Variants in AKAP12 observed in about 807,000 individuals in gnomAD.
AKAP12 encodes the protein A-kinase anchoring protein 12, also known as A-kinase anchor protein 12.
Under a neutral mutation model 79.9 loss-of-function variants are expected in AKAP12, and 32 were observed. That is an observed-to-expected ratio of 0.40 (90% CI 0.30 to 0.54). The LOEUF is 0.54. Among genes scored for constraint, AKAP12 ranks in the 20% least tolerant of loss-of-function variants. The pLI is 0.48. For synonymous variants in AKAP12, 808 were observed against 857.0 expected (o/e 0.94, Z 1.00); for missense variants, 2,074 against 2,177.0 (o/e 0.95, Z 0.94).
intron 3 of AKAP12, among the ~76,000 whole-genome samples, chr6:151,342,960 A>G (rs1011761248): frequency 1.3e-5 from 2 of 152,104 alleles, no homozygotes; most frequent in South Asian, 2.1e-4. Context: ...ATGGGGTTTC[A>G]CCACTTTGGC....
At chr6:151,264,102 A>G (rs1207163113) in intron 2 of AKAP12, among the ~76,000 whole-genome samples, 2 of 152,148 alleles carry the variant, frequency 1.3e-5, no homozygotes, top group East Asian at 3.9e-4. Context: ...AGCTAATGGT[A>G]TGCAGAAGGG....
chr6:151,288,284 G>A (rs1322660537), intron 2 of AKAP12, among the ~76,000 whole-genome samples: 1 of 152,060 alleles, frequency 6.6e-6, no homozygotes, highest in Non-Finnish European at 1.5e-5. Flanking sequence ...GAAAGCCGAG[G>A]TGGGTGGATC....
intron 2 of AKAP12, among the ~76,000 whole-genome samples, chr6:151,262,603 T>C (rs1195113224): frequency 8.9e-6 from 1 of 112,216 alleles, no homozygotes; most frequent in African/African-American, 3.6e-5. Flanking sequence ...GTTCAAACAC[T>C]TGAAGTTCAA....
intron 3 of AKAP12, among the ~76,000 whole-genome samples, chr6:151,342,676 C>CATTT (rs1330896218): frequency 6.6e-6 from 1 of 152,186 alleles, no homozygotes; most frequent in Non-Finnish European, 1.5e-5. Context: ...TTTCTATATA[C>CATTT]ATTTTATTAT....
intron 2 of AKAP12, among the ~76,000 whole-genome samples, chr6:151,283,483 C>G (rs980734314): frequency 1.3e-5 from 2 of 152,198 alleles, no homozygotes; most frequent in African/African-American, 4.8e-5. Context: ...GACAGGGTAA[C>G]AAAAGCAGTG....
At chr6:151,266,481 A>G (rs1776026556) in intron 2 of AKAP12, among the ~76,000 whole-genome samples, 1 of 152,212 alleles carries the variant, frequency 6.6e-6, no homozygotes, top group Admixed American at 6.5e-5. Flanking sequence ...CAGAGGAGGG[A>G]GGAGTCTAGG....
chr6:151,282,359 C>T (rs921845479), intron 2 of AKAP12, among the ~76,000 whole-genome samples: 4 of 152,240 alleles, frequency 2.6e-5, no homozygotes, highest in East Asian at 1.9e-4. Flanking sequence ...ATCCACCCAC[C>T]TCGGCCTCCC....
In AKAP12 at chr6:151,351,712, A is replaced by G; in HGVS notation, c.3321A>G (p.Thr1107=). 6 of 1,614,200 alleles carry G rather than the reference A, an allele frequency of 3.7e-6. No individual in the cohort carries two copies. Among genetic ancestry groups the G allele is most frequent in the Non-Finnish European group, 5.1e-6 (6 of 1,180,034 alleles). The part of the protein sequence containing the change: ...DAQEAKTEPF[T]QGKVVGQTTP... Reference sequence around the variant, plus strand: ...AGGAGGCAAAAACTGAGCCTTTTACACAAGGGAAGGTGGTGGGGCAGACCA... The same window carrying G: ...AGGAGGCAAAAACTGAGCCTTTTACGCAAGGGAAGGTGGTGGGGCAGACCA... Residue 1107 remains threonine, a synonymous_variant, in exon 4 of 5, where the codon ACA becomes ACG. Coordinates refer to ENST00000402676, the MANE Select transcript of AKAP12 (RefSeq NM_005100.4). The surrounding 1 kb of genome is among the most constrained non-coding windows in gnomAD (Gnocchi z 4.4).
At position 151,351,528 on chromosome 6, in the gene AKAP12, T is replaced by C. The variant is rs1167391994; in HGVS notation, c.3137T>C (p.Val1046Ala). ...CGGACTCAAGAGGTCCTCCAGGCAG[T>C]GGCAGAAAAAGTGAAAGAGGAATCC... Reference protein sequence around the residue: ...ERRTQEVLQAVAEKVKEESQL... With the variant: ...ERRTQEVLQAAAEKVKEESQL... The change falls in exon 4 of 5, where the codon GTG becomes GCG. Residue 1046 changes from valine to alanine, a missense_variant. Coordinates refer to ENST00000402676, the MANE Select transcript of AKAP12 (RefSeq NM_005100.4). The surrounding 1 kb of genome is among the most constrained non-coding windows in gnomAD (Gnocchi z 4.4). The C allele has an allele frequency of 1.2e-6, 2 of 1,613,932 alleles. No individual in the cohort carries two copies. The highest frequency in any genetic ancestry group is 2.7e-5 in the African/African-American group (2 of 74,906).
chr6:151,240,588 A>G lies in AKAP12; in HGVS notation c.26A>G (p.Gln9Arg). Residue 9 changes from glutamine to arginine, a missense_variant, in exon 2 of 5, where the codon CAG becomes CGG. Physicochemically the swap from Gln to Arg is conservative, Grantham distance 43 (BLOSUM62 1). Around this residue, in one of 3 missense-constraint regions of AKAP12, gnomAD observed 1,428 missense variants for 1,451.0 expected, o/e 0.98. Transcript: ENST00000402676. Reference protein sequence around the residue: MGAGSSTEQRSPEQPPEGS... With the variant: MGAGSSTERRSPEQPPEGS... ...ATGGGCGCCGGGAGCTCCACCGAGC[A>G]GCGCAGCCCGGAGCAGCCGCCCGAG... The G allele has an allele frequency of 7.0e-7, 1 of 1,437,612 alleles. No homozygotes were observed. Among genetic ancestry groups the G allele is most frequent in the Non-Finnish European group, 9.1e-7 (1 of 1,101,382 alleles). 89.1% of individuals were successfully genotyped at this position (1,437,612 alleles called of 1,614,324 possible). A position where few individuals can be genotyped will look rare whatever the true frequency, so the allele number is the denominator to read the frequency against.
chr6:151,352,037 G>T lies in AKAP12; in HGVS notation c.3646G>T (p.Ala1216Ser), dbSNP rs760051507. 58 of 1,614,006 alleles carry T rather than the reference G, an allele frequency of 3.6e-5. No homozygotes were observed. Among genetic ancestry groups the T allele is most frequent in the Non-Finnish European group, 4.7e-5 (55 of 1,180,040 alleles). The change falls in exon 4 of 5, where the codon GCA (alanine) becomes TCA (serine). Residue 1216 changes from alanine to serine, a missense_variant. Ala to Ser is a moderately conservative substitution (Grantham distance 99). Transcript: ENST00000402676. ...SGGTEAEAVP[A>S]QKERPPAPSS... ...GGGCACAGAAGCAGAGGCAGTTCCT[G>T]CACAGAAAGAGAGGCCTCCAGCACC...
chr6:151,240,774 T>A, intron 2 of AKAP12, 50 bp downstream of exon 2: 2 of 60,430 alleles, frequency 3.3e-5, no homozygotes, highest in Non-Finnish European at 5.6e-5. Context: ...TCTTTGGGGG[T>A]GGGGGTGGGG....
At chr6:151,251,968 G>C (rs1008275520) in intron 2 of AKAP12, among the ~76,000 whole-genome samples, 3 of 152,106 alleles carry the variant, frequency 2.0e-5, no homozygotes, top group Admixed American at 2.0e-4. Context: ...CTGCACTTCA[G>C]CCCGGGCAAC....
At position 151,263,821 on chromosome 6, in the gene AKAP12, C is replaced by T. The variant is rs955120387; in HGVS notation, c.162+23097C>T. ...CTCGAACTCCTGACCTCAGGTGATC[C>T]TCCTGCCTCAGCCTCCCAAAGTGCT... On this transcript the variant is annotated intron_variant, in intron 2 of 4. Transcript: ENST00000402676. 4.6e-5 allele frequency among the ~76,000 whole-genome samples: 7 copies of T among 152,308 alleles called. No individual in the cohort carries two copies. In the East Asian group the frequency reaches 7.7e-4, roughly 17 times the overall value.
chr6:151,306,281 G>A (rs1403594900), intron 3 of AKAP12, among the ~76,000 whole-genome samples: 1 of 152,126 alleles, frequency 6.6e-6, no homozygotes, highest in Non-Finnish European at 1.5e-5. Flanking sequence ...GCATTGCAAG[G>A]CACGTACCCC....
chr6:151,333,764 T>A (rs1400382650), intron 3 of AKAP12, among the ~76,000 whole-genome samples: 1 of 146,682 alleles, frequency 6.8e-6, no homozygotes, highest in Non-Finnish European at 1.5e-5. Flanking sequence ...AAATGAAAGG[T>A]TTCTGCTCAC....
intron 2 of AKAP12, among the ~76,000 whole-genome samples, chr6:151,277,234 C>G (rs1020269503): frequency 1.3e-5 from 2 of 152,132 alleles, no homozygotes; most frequent in African/African-American, 2.4e-5. Context: ...AATGAGGTTG[C>G]AAGATACTTT....
intron 2 of AKAP12, among the ~76,000 whole-genome samples, chr6:151,275,246 C>T (rs768375898): frequency 5.9e-5 from 9 of 152,094 alleles, no homozygotes; most frequent in Non-Finnish European, 1.0e-4. Context: ...CTTCCCAGCT[C>T]TTGCTTGCTG....
chr6:151,319,527 G>GATATATATATATAT (rs146314242), intron 3 of AKAP12: 1 of 101,272 alleles, frequency 9.9e-6, no homozygotes, highest in African/African-American at 4.0e-5. Context: ...TCTCTATATA[G>GATATATATATATAT]ATATATATAT....
Sources: gnomAD v4.1 joint callset for allele counts (sites outside exome capture counted in the v4.1 genomes callset) on GRCh38, gnomAD v4.1.1 for gene constraint, gnomAD v4.1.1 regional missense constraint, Gnocchi (gnomAD v3.1) non-coding constraint, MANE v1.5 for transcripts, NCBI Gene and HGNC (gene_info 2026-07-23, HGNC 2026-07-21) for gene names.